LATS2: variants seen among roughly 807,000 people sequenced by gnomAD.
LATS2 encodes large tumor suppressor kinase 2.
In LATS2, 24 loss-of-function variants were observed where a neutral mutation model predicts 76.0. That is an observed-to-expected ratio of 0.32 (90% CI 0.23 to 0.44). The LOEUF is 0.44. Among genes scored for constraint, LATS2 ranks in the 20% least tolerant of loss-of-function variants. LATS2 has a pLI of 1.00. For synonymous variants in LATS2, 692 were observed against 635.4 expected (o/e 1.09, Z -1.34); for missense variants, 1,286 against 1,481.2 (o/e 0.87, Z 2.16).
chr13:21,010,282 A>G (rs1255413953), intron 2 of LATS2, among the ~76,000 whole-genome samples: 3 of 152,148 alleles, frequency 2.0e-5, no homozygotes, highest in African/African-American at 7.2e-5. Flanking sequence ...TAAATCAACC[A>G]CACTGGCTTC....
chr13:21,028,440 T>C (rs918059025), intron 2 of LATS2, among the ~76,000 whole-genome samples: 5 of 152,228 alleles, frequency 3.3e-5, no homozygotes, highest in African/African-American at 1.2e-4. Context: ...TTTGGGTATA[T>C]ACCCAGTAAT....
intron 6 of LATS2, 118 bp from the exon 7 acceptor site, chr13:20,979,915 G>A (rs1280379261): frequency 6.6e-6 from 4 of 608,578 alleles, no homozygotes; most frequent in East Asian, 5.9e-5. Context: ...TTGAAGCATC[G>A]CACTGTGCGC....
intron 2 of LATS2, among the ~76,000 whole-genome samples, chr13:21,000,396 A>AATG (rs939714290): frequency 6.6e-6 from 1 of 151,974 alleles, no homozygotes; most frequent in Non-Finnish European, 1.5e-5. Flanking sequence ...TAATAATAAT[A>AATG]ATAATAAAGA....
chr13:21,044,870 CA>C (rs66900375), intron 2 of LATS2, among the ~76,000 whole-genome samples: 121,567 of 151,908 alleles, frequency 0.8, 49,348 homozygotes, highest in South Asian at 0.91. Context: ...GTTGGGACTA[CA>C]AGGTGCACAC....
chr13:21,013,402 A>G (rs1270871167), intron 2 of LATS2, among the ~76,000 whole-genome samples: 6 of 152,304 alleles, frequency 3.9e-5, no homozygotes, highest in East Asian at 1.9e-4. Flanking sequence ...ATACCTTATA[A>G]AAGTAAAAAT....
intron 2 of LATS2, among the ~76,000 whole-genome samples, chr13:21,035,137 A>T (rs975932425): frequency 3.3e-5 from 5 of 152,118 alleles, no homozygotes; most frequent in Non-Finnish European, 7.4e-5. Context: ...AACGAGTAAA[A>T]CCTAATATAT....
At chr13:21,040,774 G>C (rs1872851475) in intron 2 of LATS2, among the ~76,000 whole-genome samples, 1 of 152,128 alleles carries the variant, frequency 6.6e-6, no homozygotes, top group South Asian at 2.1e-4. Flanking sequence ...TGGATGCCCA[G>C]GGAATGAGAG....
At chr13:21,028,657 G>A (rs1032616755) in intron 2 of LATS2, among the ~76,000 whole-genome samples, 4 of 152,106 alleles carry the variant, frequency 2.6e-5, no homozygotes, top group South Asian at 2.1e-4. Context: ...CGCAACCTCC[G>A]CCTCCCGGGT....
intron 2 of LATS2, among the ~76,000 whole-genome samples, chr13:21,020,862 G>A (rs765450288): frequency 6.6e-6 from 1 of 152,142 alleles, no homozygotes; most frequent in Non-Finnish European, 1.5e-5. Context: ...CACCTACTAC[G>A]TCACAATGCA....
intron 2 of LATS2, among the ~76,000 whole-genome samples, chr13:21,025,820 C>T (rs932963312): frequency 6.6e-6 from 1 of 152,202 alleles, no homozygotes; most frequent in African/African-American, 2.4e-5. Context: ...TAGAAAAAAG[C>T]AGAGCTGTGG....
chr13:20,975,715 G>A (rs536208009), intron 7 of LATS2, among the ~76,000 whole-genome samples: 1 of 152,168 alleles, frequency 6.6e-6, no homozygotes, highest in South Asian at 2.1e-4. Context: ...ATGGAGTCTC[G>A]CTGTGTTGCC....
intron 2 of LATS2, among the ~76,000 whole-genome samples, chr13:21,002,868 A>C (rs558338359): frequency 6.6e-6 from 1 of 151,786 alleles, no homozygotes; most frequent in African/African-American, 2.4e-5. Context: ...TTATTCTTTA[A>C]TTTCTTTTTC....
At position 20,988,580 on chromosome 13, in the gene LATS2, G is replaced by C; in HGVS notation, c.1200C>G (p.Cys400Trp). 2.5e-6 allele frequency: 4 copies of C among 1,588,390 alleles called. No individual in the cohort carries two copies. The highest frequency in any genetic ancestry group is 3.4e-6 in the Non-Finnish European group (4 of 1,175,388). The change falls in exon 4 of 8, where the codon TGC becomes TGG. Residue 400 changes from cysteine to tryptophan, a missense_variant. Physicochemically the swap from Cys to Trp is radical, Grantham distance 215 (BLOSUM62 -2). Coordinates refer to ENST00000382592, the MANE Select transcript of LATS2 (RefSeq NM_014572.3). Reference sequence around the variant, plus strand: ...AGGAGTTGGTCCTGCTGGGCACTGGGCAGTCAGGCCGGAAGGCCACGTGCG... The same window carrying C: ...AGGAGTTGGTCCTGCTGGGCACTGGCCAGTCAGGCCGGAAGGCCACGTGCG... Reference protein sequence around the residue: ...PRAHVAFRPDCPVPSRTNSFN... With the variant: ...PRAHVAFRPDWPVPSRTNSFN...
chr13:20,997,979 T>G (rs73443315), intron 2 of LATS2, among the ~76,000 whole-genome samples: 11 of 152,038 alleles, frequency 7.2e-5, no homozygotes, highest in African/African-American at 2.4e-4. Flanking sequence ...ATTCCAACTA[T>G]GAGGTTTGGC....
intron 1 of LATS2, among the ~76,000 whole-genome samples, chr13:21,047,391 T>C (rs1873110906): frequency 2.0e-5 from 3 of 152,146 alleles, no homozygotes; most frequent in Non-Finnish European, 2.9e-5. Context: ...CACCCCGTGA[T>C]GAATGTTTAT....
At chr13:21,047,308 G>GT (rs530212615) in intron 1 of LATS2, among the ~76,000 whole-genome samples, 14 of 152,154 alleles carry the variant, frequency 9.2e-5, no homozygotes, top group Non-Finnish European at 1.8e-4. Context: ...TAGGACAGTG[G>GT]TGAGCACCGG....
Position 20,982,992 on chromosome 13 carries a change from C to CAAAA in LATS2, c.2482+228_2482+231dup, listed in dbSNP as rs67372854. On this transcript the variant is annotated intron_variant, in intron 5 of 7. Transcript: ENST00000382592. ...GGGCAACAAGAGCGAAACTCTGTCT[C>CAAAA]AAAAAAAAAAAAAAAAAAAAGTAAA... 4.9e-3 allele frequency among the ~76,000 whole-genome samples: 423 copies of CAAAA among 86,856 alleles called. 7 individuals are homozygous for CAAAA. Among genetic ancestry groups the CAAAA allele is most frequent in the Middle Eastern group, 0.019 (2 of 106 alleles). 57.0% of individuals were successfully genotyped at this position (86,856 alleles called of 152,430 possible). A position where few individuals can be genotyped will look rare whatever the true frequency, so the allele number is the denominator to read the frequency against.
At chr13:21,007,761 T>TACTATATATATATATACTATATATATATA (rs57849094) in intron 2 of LATS2, among the ~76,000 whole-genome samples, 2 of 7,798 alleles carry the variant, frequency 2.6e-4, no homozygotes, top group African/African-American at 1.2e-3. Flanking sequence ...TATATATATA[T>TACTATATATATATATACTATATATATATA]TTTTTTTTTT....
rs1869550072 is a variant in LATS2, at chr13:20,975,230, G to A, written c.2907C>T (p.Ala969=). 1 of 1,614,076 alleles carries A rather than the reference G, an allele frequency of 6.2e-7. No individual in the cohort carries two copies. The highest frequency in any genetic ancestry group is 1.3e-5 in the African/African-American group (1 of 74,934). ...LGRNGADDLK[A]HPFFSAIDFS... is the part of the protein sequence containing the mutation. ...AGTCAATGGCGCTGAAGAAGGGGTG[G>A]GCCTTCAGGTCATCGGCCCCATTCC... The change falls in exon 8 of 8, where the codon GCC becomes GCT. Residue 969 remains alanine, a synonymous_variant. Coordinates refer to ENST00000382592, the MANE Select transcript of LATS2 (RefSeq NM_014572.3).
Sources: gnomAD v4.1 joint callset for allele counts (sites outside exome capture counted in the v4.1 genomes callset) on GRCh38, gnomAD v4.1.1 for gene constraint, MANE v1.5 for transcripts, NCBI Gene and HGNC (gene_info 2026-07-23, HGNC 2026-07-21) for gene names.